Variants in AGBL4 observed in about 807,000 individuals in gnomAD.
AGBL4 encodes the protein AGBL carboxypeptidase 4.
In AGBL4, 58 loss-of-function variants were observed where a neutral mutation model predicts 66.4. That is an observed-to-expected ratio of 0.87 (90% CI 0.71 to 1.09). The LOEUF (loss-of-function observed/expected upper bound fraction) is 1.09. Ranked by LOEUF, AGBL4 falls within the 50% of genes least tolerant of loss-of-function variation. The pLI, the probability that AGBL4 is intolerant of heterozygous loss-of-function variation, is 0.00. For missense variants in AGBL4, 579 were observed against 631.0 expected, an observed-to-expected ratio of 0.92 and a Z score of 0.88; for synonymous variants, 234 against 222.9, an observed-to-expected ratio of 1.05 and a Z score of -0.44.
intron 3 of AGBL4, among the ~76,000 whole-genome samples, chr1:49,332,771 C>A (rs1000498157): frequency 1.3e-5 from 2 of 152,156 alleles, no homozygotes; most frequent in Non-Finnish European, 2.9e-5. Flanking sequence ...ACTATACATA[C>A]GTACCTGAAA....
intron 3 of AGBL4, among the ~76,000 whole-genome samples, chr1:49,273,710 T>C (rs1644109234): frequency 6.6e-6 from 1 of 152,118 alleles, no homozygotes; most frequent in African/African-American, 2.4e-5. Flanking sequence ...GGAGTCTCTC[T>C]CTGTCACTCA....
intron 1 of AGBL4, among the ~76,000 whole-genome samples, chr1:49,955,818 T>C (rs138101729): frequency 8.8e-4 from 133 of 151,942 alleles, no homozygotes; most frequent in African/African-American, 3.1e-3. Context: ...AAAAGTACAA[T>C]GCAATCACTC....
chr1:49,241,996 T>C (rs940607608), intron 4 of AGBL4, among the ~76,000 whole-genome samples: 8 of 151,938 alleles, frequency 5.3e-5, no homozygotes, highest in East Asian at 1.9e-4. Context: ...CCTTGAGATA[T>C]AGCTGAAATA....
At chr1:50,019,595 G>A (rs1182831882) in intron 1 of AGBL4, among the ~76,000 whole-genome samples, 2 of 151,896 alleles carry the variant, frequency 1.3e-5, no homozygotes, top group African/African-American at 2.4e-5. Context: ...ATATAAACCT[G>A]CTTTTTAAAA....
chr1:49,142,232 T>C (rs1321906033), intron 4 of AGBL4, among the ~76,000 whole-genome samples: 6 of 152,192 alleles, frequency 3.9e-5, no homozygotes, highest in African/African-American at 1.4e-4. Context: ...GGAAAAATTG[T>C]ATTCCACAAA....
chr1:48,817,759 T>A, intron 6 of AGBL4: 1 of 364,464 alleles, frequency 2.7e-6, no homozygotes. Context: ...AAGCCCAGCC[T>A]GGTGCTGCAG....
At chr1:49,821,638 C>A (rs1645373397) in intron 2 of AGBL4, among the ~76,000 whole-genome samples, 2 of 152,154 alleles carry the variant, frequency 1.3e-5, no homozygotes, top group African/African-American at 4.8e-5. Flanking sequence ...AAGGAGGCAT[C>A]AAGGAAGTAA....
intron 4 of AGBL4, among the ~76,000 whole-genome samples, chr1:49,213,629 T>C (rs1022038164): frequency 2.6e-5 from 4 of 152,162 alleles, no homozygotes; most frequent in Non-Finnish European, 5.9e-5. Context: ...GCTGGCAGAA[T>C]TGTGAGCCAA....
At chr1:49,442,912 T>A (rs1646068220) in intron 3 of AGBL4, among the ~76,000 whole-genome samples, 1 of 152,142 alleles carries the variant, frequency 6.6e-6, no homozygotes, top group Non-Finnish European at 1.5e-5. Context: ...GTATAAAAGT[T>A]CCCTTTTCTC....
At chr1:48,761,225 G>C in intron 6 of AGBL4, 1 of 1,182,378 alleles carries the variant, frequency 8.5e-7, no homozygotes, top group East Asian at 2.6e-5. Context: ...ATCATAGCCT[G>C]TGATACCAGG....
intron 2 of AGBL4, among the ~76,000 whole-genome samples, chr1:49,768,997 T>C (rs1643977403): frequency 6.6e-6 from 1 of 152,052 alleles, no homozygotes; most frequent in Non-Finnish European, 1.5e-5. Context: ...TACAGGCATA[T>C]GCCACCACAT....
chr1:48,843,012 C>G (rs985024090), intron 6 of AGBL4, among the ~76,000 whole-genome samples: 2 of 151,886 alleles, frequency 1.3e-5, no homozygotes, highest in Non-Finnish European at 2.9e-5. Flanking sequence ...TTACCAGGAG[C>G]TGGGGGAAGG....
intron 3 of AGBL4, among the ~76,000 whole-genome samples, chr1:49,566,465 G>C (rs1323725850): frequency 6.6e-6 from 1 of 152,174 alleles, no homozygotes; most frequent in African/African-American, 2.4e-5. Context: ...GTAATGTACA[G>C]ATGGGTTTTT....
rs112874885 is a variant in AGBL4 at position 49,142,815 on chromosome 1, A to G, written c.378-97015T>C. ...ATAATAACAAAAAGTTTTATAATTC[A>G]TATATTATTTTCTATTCCTTTCTTC... On this transcript the variant is annotated intron_variant, in intron 4 of 13. Coordinates refer to ENST00000371839, the MANE Select transcript of AGBL4 (RefSeq NM_032785.4). 2.4e-4 allele frequency among the ~76,000 whole-genome samples: 37 copies of G among 152,318 alleles called. No individual in the cohort carries two copies. In the South Asian group the frequency reaches 6.6e-3, roughly 27 times the overall value.
At chr1:49,124,673 C>G (rs1239217537) in intron 4 of AGBL4, among the ~76,000 whole-genome samples, 1 of 152,118 alleles carries the variant, frequency 6.6e-6, no homozygotes, top group African/African-American at 2.4e-5. Context: ...CACTAACATT[C>G]TTATCATACA....
At chr1:49,131,209 A>G (rs1219229332) in intron 4 of AGBL4, among the ~76,000 whole-genome samples, 2 of 152,092 alleles carry the variant, frequency 1.3e-5, no homozygotes, top group African/African-American at 2.4e-5. Flanking sequence ...GGTAGAATGT[A>G]GATCAGTGGT....
rs1036006705 is a variant in AGBL4, at chr1:48,878,757, G to A, written c.595-11527C>T. Among the ~76,000 whole-genome samples, 3 of 152,250 alleles carry A rather than the reference G, an allele frequency of 2.0e-5. No individual in the cohort carries two copies. The South Asian group carries it at 6.2e-4, about 32-fold the overall frequency. ...GTTTGCTGAATTGCACGATATTGTG[G>A]AGTTCCTGTGAAAAATATCATGACA... On this transcript the variant is annotated intron_variant, in intron 5 of 13. Transcript: ENST00000371839.
chr1:49,729,950 AT>A (rs1374466113), intron 2 of AGBL4, among the ~76,000 whole-genome samples: 1 of 152,016 alleles, frequency 6.6e-6, no homozygotes, highest in East Asian at 1.9e-4. Context: ...GATAGAGTCC[AT>A]GACCCGAGTG....
intron 3 of AGBL4, among the ~76,000 whole-genome samples, chr1:49,278,632 T>A (rs1353999242): frequency 6.6e-6 from 1 of 151,956 alleles, no homozygotes; most frequent in Non-Finnish European, 1.5e-5. Context: ...TAGGTAGAGG[T>A]CTAGGTTCAG....
Sources: gnomAD v4.1 joint callset for allele counts (sites outside exome capture counted in the v4.1 genomes callset) on GRCh38, gnomAD v4.1.1 for gene constraint, MANE v1.5 for transcripts, NCBI Gene and HGNC (gene_info 2026-07-23, HGNC 2026-07-21) for gene names.